Variants in GUCY1A2 observed in about 807,000 individuals in gnomAD.
The protein encoded by GUCY1A2 is guanylate cyclase 1 soluble subunit alpha 2.
A neutral mutation model predicts 63.5 loss-of-function variants in GUCY1A2; 27 were observed. That is an observed-to-expected ratio of 0.43 (90% CI 0.31 to 0.59). The LOEUF is 0.59. Among genes scored for constraint, GUCY1A2 ranks in the 20% least tolerant of loss-of-function variants. GUCY1A2 has a pLI of 0.11. For synonymous variants in GUCY1A2, 364 were observed against 343.5 expected, an observed-to-expected ratio of 1.06 and a Z score of -0.66; for missense variants, 768 against 913.3, an observed-to-expected ratio of 0.84 and a Z score of 2.05.
chr11:106,700,359 T>C (rs547648801), intron 7 of GUCY1A2, among the ~76,000 whole-genome samples: 1 of 152,198 alleles, frequency 6.6e-6, no homozygotes, highest in Admixed American at 6.5e-5. Flanking sequence ...TTTAAAAAAT[T>C]GGGAAGGCAT....
At chr11:106,947,255 A>G (rs1860843127) in intron 3 of GUCY1A2, among the ~76,000 whole-genome samples, 1 of 151,980 alleles carries the variant, frequency 6.6e-6, no homozygotes, top group East Asian at 1.9e-4. Context: ...AATCTATACA[A>G]CTATAATTAT....
At chr11:106,837,542 T>C (rs1040703328) in intron 4 of GUCY1A2, among the ~76,000 whole-genome samples, 1 of 152,030 alleles carries the variant, frequency 6.6e-6, no homozygotes, top group Non-Finnish European at 1.5e-5. Flanking sequence ...GTGGTAGTTC[T>C]GTTTCTAGCT....
intron 6 of GUCY1A2, among the ~76,000 whole-genome samples, chr11:106,736,015 A>G (rs184652761): frequency 5.5e-4 from 84 of 152,116 alleles, no homozygotes; most frequent in South Asian, 1.5e-3. Context: ...TGAGCTCCCT[A>G]CATATTCTGG....
intron 7 of GUCY1A2, among the ~76,000 whole-genome samples, chr11:106,707,018 T>C (rs1289899925): frequency 6.6e-6 from 1 of 152,138 alleles, no homozygotes; most frequent in Non-Finnish European, 1.5e-5. Context: ...TTAGATAGAA[T>C]CCTGAAACTT....
Position 106,742,594 on chromosome 11 carries a change from T to C in GUCY1A2, c.1836+33845A>G, listed in dbSNP as rs1044588233. ...TTTTCTTTATCCAGCCTATCAATGA[T>C]GGGCATTTAGGTTGGTTACATGTCT... On this transcript the variant is annotated intron_variant, in intron 6 of 7. Transcript: ENST00000526355. Among the ~76,000 whole-genome samples the C allele has an allele frequency of 3.9e-5, 6 of 152,224 alleles. No homozygotes were observed. The South Asian group carries it at 1.2e-3, about 31-fold the overall frequency.
At chr11:106,701,046 A>G (rs1190961330) in intron 7 of GUCY1A2, among the ~76,000 whole-genome samples, 1 of 152,164 alleles carries the variant, frequency 6.6e-6, no homozygotes, top group Non-Finnish European at 1.5e-5. Flanking sequence ...ACTATACCCA[A>G]GGAATGTCAT....
At position 106,678,495 on chromosome 11, in the gene GUCY1A2, T is replaced by C. The variant is rs146378798; in HGVS notation, c.*9054A>G. On this transcript the variant is annotated 3_prime_UTR_variant, in exon 8 of 8. Coordinates refer to ENST00000526355, the MANE Select transcript of GUCY1A2 (RefSeq NM_000855.3). ...CCCAAACCTCAGAAGAAAGTCATATTTTGCTAGCTTTTAAAGAGTGATATT... is the reference window on the plus strand; with the variant it reads ...CCCAAACCTCAGAAGAAAGTCATATCTTGCTAGCTTTTAAAGAGTGATATT... 4.7e-6 allele frequency: 1 copy of C among 213,806 alleles called. No homozygotes were observed. Among genetic ancestry groups the C allele is most frequent in the African/African-American group, 2.3e-5 (1 of 44,388 alleles). 13.2% of individuals were successfully genotyped at this position (213,806 alleles called of 1,614,324 possible).
intron 4 of GUCY1A2, among the ~76,000 whole-genome samples, chr11:106,934,351 ATAT>A (rs767108276): frequency 2.2e-4 from 33 of 152,210 alleles, no homozygotes; most frequent in Non-Finnish European, 4.1e-4. Context: ...CTCTAATAAA[ATAT>A]TATTATCTGA....
At chr11:106,790,286 C>G (rs7121705) in intron 5 of GUCY1A2, among the ~76,000 whole-genome samples, 1 of 152,184 alleles carries the variant, frequency 6.6e-6, no homozygotes, top group Non-Finnish European at 1.5e-5. Context: ...CATAGGCCCA[C>G]AGGGACATCA....
intron 3 of GUCY1A2, among the ~76,000 whole-genome samples, chr11:106,946,350 A>G (rs761646131): frequency 1.4e-3 from 207 of 152,298 alleles, no homozygotes; most frequent in Non-Finnish European, 2.5e-3. Flanking sequence ...CAAAACAGCA[A>G]AAGACCAGAA....
chr11:106,945,692 C>A (rs1032662953), intron 3 of GUCY1A2, among the ~76,000 whole-genome samples: 1 of 152,178 alleles, frequency 6.6e-6, no homozygotes, highest in African/African-American at 2.4e-5. Flanking sequence ...AGGCCGGGTG[C>A]GGTGGCTTAC....
chr11:106,984,524 C>A (rs1861376856), intron 2 of GUCY1A2, among the ~76,000 whole-genome samples: 2 of 152,124 alleles, frequency 1.3e-5, no homozygotes, highest in Admixed American at 6.6e-5. Flanking sequence ...GAGTCCCACT[C>A]CAATTTGCCT....
At chr11:106,783,404 T>C (rs1047205767) in intron 5 of GUCY1A2, among the ~76,000 whole-genome samples, 1 of 152,004 alleles carries the variant, frequency 6.6e-6, no homozygotes, top group Non-Finnish European at 1.5e-5. Flanking sequence ...AAAGTAGGAG[T>C]TGGCTACACT....
In GUCY1A2 at chr11:106,693,755, A is replaced by G. The variant is rs528339103; in HGVS notation, c.1992-5999T>C. ...CACATAAAGAATTTTAAAATTTCAG[A>G]TATCTCATTTTAATTTCCACTCTTG... On this transcript the variant is annotated intron_variant, in intron 7 of 7. Transcript: ENST00000526355. 2.6e-5 allele frequency among the ~76,000 whole-genome samples: 4 copies of G among 152,100 alleles called. No individual in the cohort carries two copies. The East Asian group carries it at 7.7e-4, about 29-fold the overall frequency.
chr11:106,862,096 A>G (rs914406447), intron 4 of GUCY1A2, among the ~76,000 whole-genome samples: 1 of 152,062 alleles, frequency 6.6e-6, no homozygotes, highest in Admixed American at 6.6e-5. Flanking sequence ...AGAATGCAAC[A>G]CATAGCATCT....
chr11:106,953,109 GT>G (rs940379277), intron 3 of GUCY1A2, among the ~76,000 whole-genome samples: 4 of 152,128 alleles, frequency 2.6e-5, no homozygotes, highest in Non-Finnish European at 4.4e-5. Context: ...TCTTGTACCA[GT>G]TTTTAAAGGA....
chr11:106,948,043 A>T (rs1367698409), intron 3 of GUCY1A2, among the ~76,000 whole-genome samples: 1 of 152,170 alleles, frequency 6.6e-6, no homozygotes, highest in Non-Finnish European at 1.5e-5. Flanking sequence ...CTTGCTGTGA[A>T]CAAATGTGTA....
At chr11:106,714,097 T>C (rs1360785566) in intron 6 of GUCY1A2, among the ~76,000 whole-genome samples, 5 of 152,070 alleles carry the variant, frequency 3.3e-5, no homozygotes, top group Non-Finnish European at 5.9e-5. Flanking sequence ...TCTGCCTCCT[T>C]TCAAAAGACC....
rs982408677 is a variant in GUCY1A2 at position 106,686,876 on chromosome 11, G to A, written c.*673C>T. ...TCCTTGGTTATATGTATTCTCAGTCGAAGCACTGATCTCTCTAAATAAGGG... is the reference window on the plus strand; with the variant it reads ...TCCTTGGTTATATGTATTCTCAGTCAAAGCACTGATCTCTCTAAATAAGGG... On this transcript the variant is annotated 3_prime_UTR_variant, in exon 8 of 8. Coordinates refer to ENST00000526355, the MANE Select transcript of GUCY1A2 (RefSeq NM_000855.3). The A allele has an allele frequency of 1.5e-5, 3 of 195,982 alleles. No individual in the cohort carries two copies. Among genetic ancestry groups the A allele is most frequent in the Admixed American group, 6.1e-5 (1 of 16,472 alleles). 12.1% of individuals were successfully genotyped at this position (195,982 alleles called of 1,614,324 possible).
Sources: allele counts gnomAD v4.1 joint callset (sites outside exome capture counted in the v4.1 genomes callset), GRCh38; gene constraint gnomAD v4.1.1; transcripts MANE v1.5; gene names NCBI Gene and HGNC (gene_info 2026-07-23, HGNC 2026-07-21).